Variants in CPED1 observed in about 807,000 individuals in gnomAD.
CPED1 encodes cadherin-like and PC-esterase domain-containing protein 1.
A neutral mutation model predicts 128.2 loss-of-function variants in CPED1; 114 were observed. The ratio of observed to expected loss-of-function variants is 0.89; its 90% confidence interval spans 0.76 to 1.04. The LOEUF is 1.04. Ranked by LOEUF, CPED1 falls within the 50% of genes least tolerant of loss-of-function variation. The pLI is 0.00. For missense variants in CPED1, 1,211 were observed against 1,207.1 expected, an observed-to-expected ratio of 1.00 and a Z score of -0.05; for synonymous variants, 462 against 426.7, an observed-to-expected ratio of 1.08 and a Z score of -1.02.
chr7:121,266,162 T>C, intron 18 of CPED1, 65 bp from the exon 19 acceptor site: 3 of 1,273,306 alleles, frequency 2.4e-6, no homozygotes, highest in Non-Finnish European at 3.4e-6. Context: ...TTTCATTATT[T>C]TAAACTATCT....
At position 121,007,776 on chromosome 7, in the gene CPED1, C is replaced by T. The variant is rs117132058; in HGVS notation, c.250-7889C>T. On this transcript the variant is annotated intron_variant, in intron 2 of 22. Transcript: ENST00000310396. ...CTCTCTCTTTCTCAGTTACACATAG[C>T]ATTATTTGACCATCCTGTTGCTGCT... Among the ~76,000 whole-genome samples, 5 of 152,012 alleles carry T rather than the reference C, an allele frequency of 3.3e-5. No individual in the cohort carries two copies. In the East Asian group the frequency reaches 9.7e-4, roughly 29 times the overall value.
At chr7:121,254,418 A>G (rs1798758176) in intron 18 of CPED1, among the ~76,000 whole-genome samples, 1 of 152,086 alleles carries the variant, frequency 6.6e-6, no homozygotes. Flanking sequence ...TTGTGTTAAG[A>G]GGACAGTTTA....
intron 16 of CPED1, among the ~76,000 whole-genome samples, chr7:121,194,222 A>G (rs991201692): frequency 2.7e-5 from 4 of 150,808 alleles, no homozygotes; most frequent in African/African-American, 4.9e-5. Flanking sequence ...TAATTTTTGT[A>G]TTTATTTTAG....
chr7:121,128,428 A>T lies in CPED1; in HGVS notation c.1349A>T (p.Glu450Val). The T allele has an allele frequency of 6.2e-7, 1 of 1,605,160 alleles. No homozygotes were observed. The highest frequency in any genetic ancestry group is 1.7e-4 in the Middle Eastern group (1 of 6,032). Residue 450 changes from glutamate to valine, a missense_variant, in exon 11 of 23, where the codon GAA (glutamate) becomes GTA (valine). Coordinates refer to ENST00000310396, the MANE Select transcript of CPED1 (RefSeq NM_024913.5). ...KELNQCLSLE[E>V]INSIMTFIKE... ...CTAAATCAGTGTCTGTCCTTAGAAG[A>T]AATTAACTCAATTATGACTTTCATA...
chr7:121,193,631 T>C (rs894357127), intron 16 of CPED1, among the ~76,000 whole-genome samples: 1 of 151,840 alleles, frequency 6.6e-6, no homozygotes, highest in African/African-American at 2.4e-5. Flanking sequence ...AGTAGGAAAA[T>C]AGAGAGAAGT....
chr7:121,008,911 A>G (rs977805777), intron 2 of CPED1, among the ~76,000 whole-genome samples: 4 of 152,184 alleles, frequency 2.6e-5, no homozygotes, highest in African/African-American at 4.8e-5. Flanking sequence ...GGACAGAGGC[A>G]GAATCGGTTT....
At chr7:121,064,387 G>GTTAGCT in intron 5 of CPED1, 74 bp downstream of exon 5, 2 of 992,578 alleles carry the variant, frequency 2.0e-6, no homozygotes, top group African/African-American at 1.6e-5. Context: ...CAGCTAACAT[G>GTTAGCT]GTCTCAGGTC....
At chr7:121,144,131 G>A (rs867293817) in intron 16 of CPED1, among the ~76,000 whole-genome samples, 46 of 151,998 alleles carry the variant, frequency 3.0e-4, no homozygotes, top group African/African-American at 1.1e-3. Context: ...CAGTATCGAG[G>A]TTTCTCAAAA....
intron 5 of CPED1, among the ~76,000 whole-genome samples, chr7:121,087,274 C>G (rs769058366): frequency 6.6e-5 from 10 of 152,140 alleles, no homozygotes; most frequent in Non-Finnish European, 1.5e-4. Context: ...CCCTCTTCTC[C>G]TACTAAGTAA....
chr7:121,015,886 C>T, intron 3 of CPED1, 38 bp downstream of exon 3: 1 of 1,338,252 alleles, frequency 7.5e-7, no homozygotes, highest in South Asian at 2.4e-5. Flanking sequence ...AGTCACTTGA[C>T]ATATAATGTT....
intron 16 of CPED1, among the ~76,000 whole-genome samples, chr7:121,235,145 A>G (rs1044219847): frequency 2.0e-5 from 3 of 152,140 alleles, no homozygotes; most frequent in African/African-American, 7.2e-5. Flanking sequence ...CTGGCCTTAT[A>G]AAAGATCCAG....
At chr7:121,284,672 A>G (rs2097850869) in intron 22 of CPED1, among the ~76,000 whole-genome samples, 1 of 152,228 alleles carries the variant, frequency 6.6e-6, no homozygotes, top group African/African-American at 2.4e-5. Context: ...ATTAAACCTT[A>G]AAGTTACAAA....
chr7:121,264,012 TA>T (rs2116740876), intron 18 of CPED1, among the ~76,000 whole-genome samples: 1 of 152,084 alleles, frequency 6.6e-6, no homozygotes, highest in South Asian at 2.1e-4. Flanking sequence ...CTGATTAAGG[TA>T]AAATGTCCTA....
intron 4 of CPED1, among the ~76,000 whole-genome samples, chr7:121,060,617 G>A (rs1793635147): frequency 6.6e-6 from 1 of 152,160 alleles, no homozygotes; most frequent in Admixed American, 6.5e-5. Context: ...AGCTAATCTG[G>A]TGGGGAGGTG....
At chr7:121,219,285 A>C (rs1177361496) in intron 16 of CPED1, among the ~76,000 whole-genome samples, 2 of 151,984 alleles carry the variant, frequency 1.3e-5, no homozygotes, top group African/African-American at 4.8e-5. Context: ...TCCTCTCACT[A>C]GATTTTCCAG....
rs774522247 is a variant in CPED1 at position 121,183,023 on chromosome 7, A to T, written c.2055+40882A>T. On this transcript the variant is annotated intron_variant, in intron 16 of 22. Transcript: ENST00000310396. ...AGAAAAAAAAAACTCAGTTTTGTTT[A>T]CAAAGCCTTGCAAAAATGTATGAAT... Among the ~76,000 whole-genome samples the T allele has an allele frequency of 3.8e-4, 58 of 151,914 alleles. 1 individual carries two copies. The highest frequency in any genetic ancestry group is 7.4e-5 in the Non-Finnish European group (5 of 67,988).
intron 3 of CPED1, among the ~76,000 whole-genome samples, chr7:121,040,434 G>T (rs1378994575): frequency 6.6e-6 from 1 of 152,066 alleles, no homozygotes; most frequent in African/African-American, 2.4e-5. Flanking sequence ...GAAGAGTGCA[G>T]AGTAAGGAAT....
intron 16 of CPED1, among the ~76,000 whole-genome samples, chr7:121,189,044 AG>A (rs1383341695): frequency 6.6e-6 from 1 of 152,176 alleles, no homozygotes; most frequent in Non-Finnish European, 1.5e-5. Context: ...TAACTAGCAG[AG>A]TAGTGACTAT....
chr7:121,277,355 T>C (rs1030055153), intron 22 of CPED1, among the ~76,000 whole-genome samples: 5 of 150,424 alleles, frequency 3.3e-5, no homozygotes, highest in African/African-American at 1.2e-4. Flanking sequence ...GATATACAAA[T>C]ATGACACTGG....
Sources: allele counts gnomAD v4.1 joint callset (sites outside exome capture counted in the v4.1 genomes callset), GRCh38; gene constraint gnomAD v4.1.1; transcripts MANE v1.5; gene names NCBI Gene and HGNC (gene_info 2026-07-23, HGNC 2026-07-21).